ZMIZ1: variants seen among roughly 807,000 people sequenced by gnomAD.
ZMIZ1 encodes the protein zinc finger MIZ domain-containing protein 1.
Under a neutral mutation model 113.9 loss-of-function variants are expected in ZMIZ1, and 17 were observed. That is an observed-to-expected ratio of 0.15 (90% CI 0.10 to 0.22). The LOEUF is 0.22. Among genes scored for constraint, ZMIZ1 ranks in the 10% least tolerant of loss-of-function variants. The pLI, the probability that ZMIZ1 is intolerant of heterozygous loss-of-function variation, is 1.00. For missense variants in ZMIZ1, 1,059 were observed against 1,477.8 expected, an observed-to-expected ratio of 0.72 and a Z score of 4.65; for synonymous variants, 607 against 603.1, an observed-to-expected ratio of 1.01 and a Z score of -0.09.
intron 6 of ZMIZ1, among the ~76,000 whole-genome samples, chr10:79,210,806 G>T (rs564379239): frequency 1.3e-5 from 2 of 152,298 alleles, no homozygotes; most frequent in African/African-American, 4.8e-5. Context: ...GCTATGATTT[G>T]TATGGGGGCA....
At chr10:79,142,833 G>A (rs929867729) in intron 3 of ZMIZ1, among the ~76,000 whole-genome samples, 4 of 152,204 alleles carry the variant, frequency 2.6e-5, no homozygotes, top group Non-Finnish European at 5.9e-5. Flanking sequence ...GTCCAAAAAC[G>A]CAGGGCTCCA....
intron 7 of ZMIZ1, among the ~76,000 whole-genome samples, chr10:79,239,153 C>T (rs1306701662): frequency 3.3e-5 from 5 of 151,872 alleles, no homozygotes; most frequent in African/African-American, 1.2e-4. Flanking sequence ...GCCCTGACCC[C>T]TCAGAGGTTG....
At chr10:79,181,360 C>T (rs954670174) in intron 4 of ZMIZ1, among the ~76,000 whole-genome samples, 1 of 152,242 alleles carries the variant, frequency 6.6e-6, no homozygotes, top group African/African-American at 2.4e-5. Context: ...TGGGCAGATG[C>T]AGTTGTGGTG....
rs751129436 is a variant in ZMIZ1, at chr10:79,296,481, G to T, written c.1241G>T (p.Gly414Val). 6.2e-7 allele frequency: 1 copy of T among 1,613,804 alleles called. No individual in the cohort carries two copies. Among genetic ancestry groups the T allele is most frequent in the Non-Finnish European group, 8.5e-7 (1 of 1,179,892 alleles). ...TCTCTCCCACCACAGCCCAACTATG[G>T]AAACCAGCAATATGGACCAAACAGC... The part of the protein sequence containing the change: ...KRPYPGEPNY[G>V]NQQYGPNSQF... Residue 414 changes from glycine to valine, a missense_variant, in exon 13 of 25, where the codon GGA becomes GTA. Gly to Val is a moderately radical substitution (Grantham distance 109). This residue lies in a region of ZMIZ1 where 239 missense variants were observed against 247.5 expected (regional missense o/e 0.97). Transcript: ENST00000334512. The surrounding 1 kb of genome is among the most constrained non-coding windows in gnomAD (Gnocchi z 4.1).
At chr10:79,099,870 A>G (rs1009329260) in intron 1 of ZMIZ1, among the ~76,000 whole-genome samples, 1 of 152,078 alleles carries the variant, frequency 6.6e-6, no homozygotes, top group Non-Finnish European at 1.5e-5. Flanking sequence ...GGTCCTGGTT[A>G]TGGGGGCAGG....
At chr10:79,115,298 A>T (rs1237420567) in intron 1 of ZMIZ1, among the ~76,000 whole-genome samples, 1 of 152,192 alleles carries the variant, frequency 6.6e-6, no homozygotes, top group African/African-American at 2.4e-5. Flanking sequence ...TCTCTGCTAC[A>T]GGACAGACCG....
At chr10:79,233,780 A>T (rs1412880703) in intron 7 of ZMIZ1, among the ~76,000 whole-genome samples, 1 of 24,426 alleles carries the variant, frequency 4.1e-5, no homozygotes, top group South Asian at 1.4e-3. Context: ...ATTGGTAGGG[A>T]GGGTGGGGGG....
chr10:79,134,501 C>A (rs1844910382), intron 2 of ZMIZ1, among the ~76,000 whole-genome samples: 1 of 152,198 alleles, frequency 6.6e-6, no homozygotes, highest in African/African-American at 2.4e-5. Flanking sequence ...GCCCATGGCC[C>A]AAACTGAACC....
chr10:79,231,191 G>A (rs561794820), intron 7 of ZMIZ1, among the ~76,000 whole-genome samples: 2 of 152,384 alleles, frequency 1.3e-5, no homozygotes, highest in South Asian at 2.1e-4. Flanking sequence ...GAGGCCATGC[G>A]TGACACACAC....
intron 3 of ZMIZ1, among the ~76,000 whole-genome samples, chr10:79,148,116 ACCT>A (rs1279367341): frequency 6.6e-6 from 1 of 151,864 alleles, no homozygotes; most frequent in Non-Finnish European, 1.5e-5. Flanking sequence ...CTGTTTGTCC[ACCT>A]CCTCCCTGCT....
intron 1 of ZMIZ1, among the ~76,000 whole-genome samples, chr10:79,102,207 T>TC (rs1354819282): frequency 6.6e-6 from 1 of 152,216 alleles, no homozygotes; most frequent in East Asian, 1.9e-4. Flanking sequence ...GGACCAGGCC[T>TC]CGCCCAGTTG....
chr10:79,297,145 A>T (rs1853956060), intron 13 of ZMIZ1, among the ~76,000 whole-genome samples: 2 of 152,112 alleles, frequency 1.3e-5, no homozygotes, highest in South Asian at 4.1e-4. Context: ...TGCTGAGATC[A>T]CCATATCATA....
At chr10:79,292,864 G>T (rs1201261019) in intron 11 of ZMIZ1, 2 of 462,958 alleles carry the variant, frequency 4.3e-6, no homozygotes, top group African/African-American at 4.0e-5. Context: ...AGAACAGGAG[G>T]TGAGGAGGTG....
At chr10:79,155,421 C>G (rs1329787484) in intron 3 of ZMIZ1, among the ~76,000 whole-genome samples, 1 of 152,206 alleles carries the variant, frequency 6.6e-6, no homozygotes, top group African/African-American at 2.4e-5. Flanking sequence ...AGTTTGAATC[C>G]TAGTTCCCGT....
chr10:79,234,696 C>A (rs567078093), intron 7 of ZMIZ1, among the ~76,000 whole-genome samples: 24 of 152,320 alleles, frequency 1.6e-4, no homozygotes, highest in Admixed American at 3.9e-4. Context: ...CACCTTGGAA[C>A]CAGCGTCTTT....
intron 1 of ZMIZ1, among the ~76,000 whole-genome samples, chr10:79,105,904 C>G (rs1038785564): frequency 7.2e-5 from 11 of 152,214 alleles, no homozygotes; most frequent in Non-Finnish European, 1.6e-4. Flanking sequence ...GGTTGCCCTT[C>G]CCCTAAGTGC....
rs1325156431 is a variant in ZMIZ1, at chr10:79,293,559, G to A, written c.1136G>A (p.Gly379Asp). Residue 379 changes from glycine (G) to aspartate (D), a missense_variant, in exon 12 of 25, where the codon GGC (glycine) becomes GAC (aspartate). Gly to Asp is a moderately conservative substitution (Grantham distance 94, BLOSUM62 -1). This residue lies in a region of ZMIZ1 where 239 missense variants were observed against 247.5 expected (regional missense o/e 0.97). Transcript: ENST00000334512. ...QPRPPGISPF[G>D]THGQRMPQQT... ...CGGCCGCCCGGCATCAGCCCCTTTG[G>A]CACACACGGGCAGCGGATGCCCCAG... 6.2e-7 allele frequency: 1 copy of A among 1,612,926 alleles called. No homozygotes were observed. Among genetic ancestry groups the A allele is most frequent in the South Asian group, 1.1e-5 (1 of 91,080 alleles).
chr10:79,278,561 T>G (rs1452428731), intron 8 of ZMIZ1, among the ~76,000 whole-genome samples: 1 of 151,486 alleles, frequency 6.6e-6, no homozygotes, highest in East Asian at 1.9e-4. Flanking sequence ...AGGTCTCTGG[T>G]TTTCCTAGGC....
intron 7 of ZMIZ1, among the ~76,000 whole-genome samples, chr10:79,262,513 C>T (rs1851329241): frequency 6.6e-6 from 1 of 152,212 alleles, no homozygotes. Context: ...ATGTAAATGG[C>T]ATTCTTATAA....
Sources: gnomAD v4.1 joint callset for allele counts (sites outside exome capture counted in the v4.1 genomes callset) on GRCh38, gnomAD v4.1.1 for gene constraint, gnomAD v4.1.1 regional missense constraint, Gnocchi (gnomAD v3.1) non-coding constraint, MANE v1.5 for transcripts, NCBI Gene and HGNC (gene_info 2026-07-23, HGNC 2026-07-21) for gene names.